Variants in TEX9 observed in about 807,000 individuals in gnomAD.
TEX9 encodes testis-expressed protein 9.
In TEX9, 74 loss-of-function variants were observed where a neutral mutation model predicts 59.6. The observed-to-expected ratio is 1.24, with a 90% CI of 1.03 to 1.51. The LOEUF is 1.51. Ranked by LOEUF, TEX9 falls within the 40% of genes most tolerant of loss-of-function variation. TEX9 has a pLI of 0.00. For synonymous variants in TEX9, 186 were observed against 152.2 expected, an observed-to-expected ratio of 1.22 and a Z score of -1.64; for missense variants, 522 against 447.8, an observed-to-expected ratio of 1.17 and a Z score of -1.49.
At chr15:56,350,816 A>G (rs1165831721) in intron 1 of TEX9, among the ~76,000 whole-genome samples, 1 of 152,234 alleles carries the variant, frequency 6.6e-6, no homozygotes, top group African/African-American at 2.4e-5. Context: ...ACCTATTTAA[A>G]TAATTTACTT....
chr15:56,427,138 G>A (rs1490025798), intron 10 of TEX9, among the ~76,000 whole-genome samples: 1 of 152,024 alleles, frequency 6.6e-6, no homozygotes, highest in African/African-American at 2.4e-5. Context: ...TTACCTCTGT[G>A]AACCCACAAA....
upstream of TEX9, among the ~76,000 whole-genome samples, chr15:56,365,027 C>A (rs1405338728): frequency 6.6e-6 from 1 of 152,076 alleles, no homozygotes; most frequent in African/African-American, 2.4e-5. Context: ...ATGCTGTAAA[C>A]AAAAATTAGA....
intron 9 of TEX9, chr15:56,410,188 T>G (rs1209091717): frequency 6.6e-6 from 1 of 152,220 alleles, no homozygotes; most frequent in Non-Finnish European, 1.5e-5. Flanking sequence ...CCTAGTCCAT[T>G]CTTTTCTACC....
At chr15:56,459,059 T>C in the TEX9 span, among the ~76,000 whole-genome samples, 2 of 152,224 alleles carry the variant, frequency 1.3e-5, no homozygotes, top group African/African-American at 4.8e-5. Flanking sequence ...CACTCCAGAA[T>C]GTTTACATCA....
chr15:56,459,993 A>AG, the TEX9 span, among the ~76,000 whole-genome samples: 1 of 33,496 alleles, frequency 3.0e-5, no homozygotes, highest in Admixed American at 4.0e-4. Flanking sequence ...TCTGTCTCAA[A>AG]AAAAAAAAAA....
chr15:56,427,720 A>ATGTT lies in TEX9; in HGVS notation c.1081_1084dup (p.Leu362CysfsTer10). The ATGTT allele has an allele frequency of 8.1e-6, 12 of 1,490,448 alleles. No homozygotes were observed. Among genetic ancestry groups the ATGTT allele is most frequent in the Admixed American group, 2.5e-5 (1 of 40,598 alleles). The allele number at this position is 1,490,448 out of a possible 1,614,324, so 92.3% of individuals were successfully genotyped here. A position where few individuals can be genotyped will look rare whatever the true frequency, so the allele number is the denominator to read the frequency against. On this transcript the variant is annotated frameshift_variant, in exon 11 of 13. Coordinates refer to ENST00000352903, the Ensembl canonical transcript of TEX9. LOFTEE classifies it high-confidence loss of function. ...TTCAAGAAACAGTTAAAATTAATTG[A>ATGTT]TGTTTTAAAAAGGCAAAAGGTGAGT...
rs376888794 is a variant in TEX9 at position 56,394,837 on chromosome 15, A to G, written c.828+3A>G. 3.0e-4 allele frequency: 484 copies of G among 1,602,760 alleles called. 6 individuals are homozygous for G. The highest frequency in any genetic ancestry group is 2.3e-3 in the Admixed American group (129 of 56,546). On this transcript the variant is annotated splice_donor_region_variant and intron_variant, in intron 9 of 12. Transcript: ENST00000352903. ...AACAGTTGTCTTCAGTAGAAAGGGT[A>G]ATTATTTGGTATTTTTCCTAACTTA...
At chr15:56,429,078 T>C (rs1233413041) in intron 12 of TEX9, 3 of 1,493,678 alleles carry the variant, frequency 2.0e-6, no homozygotes, top group Admixed American at 3.9e-5. Context: ...AAAAAATCTA[T>C]GCTTTACCCA....
intron 1 of TEX9, among the ~76,000 whole-genome samples, chr15:56,252,993 A>G (rs1294559171): frequency 6.6e-6 from 1 of 152,138 alleles, no homozygotes; most frequent in Non-Finnish European, 1.5e-5. Flanking sequence ...TCTGGAAGGT[A>G]GAGAGGAGAA....
intron 6 of TEX9, among the ~76,000 whole-genome samples, chr15:56,390,929 A>C (rs760711699): frequency 3.9e-5 from 6 of 152,056 alleles, no homozygotes; most frequent in Non-Finnish European, 7.4e-5. Flanking sequence ...AGCAAAGTCT[A>C]TACCATCTGG....
intron 3 of TEX9, among the ~76,000 whole-genome samples, chr15:56,382,339 G>A (rs536873576): frequency 4.1e-4 from 63 of 152,278 alleles, no homozygotes; most frequent in African/African-American, 1.5e-3. Context: ...AAGAGTCCAC[G>A]TGGTGCTCTG....
intron 1 of TEX9, among the ~76,000 whole-genome samples, chr15:56,321,173 A>G (rs2045893194): frequency 1.3e-5 from 2 of 151,840 alleles, no homozygotes; most frequent in Admixed American, 1.3e-4. Flanking sequence ...TGGGTGTGAT[A>G]TAATCAAAGA....
At chr15:56,396,718 C>T (rs141234185) in intron 9 of TEX9, 2 of 151,956 alleles carry the variant, frequency 1.3e-5, no homozygotes, top group African/African-American at 4.8e-5. Context: ...CTGTGCTGTT[C>T]TTGTGATGGC....
At chr15:56,382,830 G>T (rs191283806) in intron 3 of TEX9, among the ~76,000 whole-genome samples, 17 of 152,298 alleles carry the variant, frequency 1.1e-4, no homozygotes, top group African/African-American at 3.9e-4. Context: ...TGCACTGCCT[G>T]GTGTTGGGGA....
chr15:56,432,982 G>A (rs1266917246), intron 12 of TEX9, among the ~76,000 whole-genome samples: 1 of 152,110 alleles, frequency 6.6e-6, no homozygotes. Context: ...GACAATATAA[G>A]TATTTAGTTT....
At chr15:56,434,650 A>G (rs1168648455) in intron 12 of TEX9, among the ~76,000 whole-genome samples, 4 of 152,178 alleles carry the variant, frequency 2.6e-5, no homozygotes, top group Admixed American at 6.5e-5. Context: ...TCTACTCAGA[A>G]TTAACACGTA....
At chr15:56,290,777 T>G (rs1218689554) in intron 1 of TEX9, among the ~76,000 whole-genome samples, 1 of 151,616 alleles carries the variant, frequency 6.6e-6, no homozygotes, top group Non-Finnish European at 1.5e-5. Context: ...TTCTATGTGG[T>G]TATTCTCCTT....
At chr15:56,352,453 A>G (rs2046602629) in intron 1 of TEX9, among the ~76,000 whole-genome samples, 1 of 151,288 alleles carries the variant, frequency 6.6e-6, no homozygotes, top group South Asian at 2.1e-4. Flanking sequence ...GTGTTTCACC[A>G]TGTTGGCCAG....
At chr15:56,251,150 T>C (rs2044005648) in intron 1 of TEX9, among the ~76,000 whole-genome samples, 1 of 152,238 alleles carries the variant, frequency 6.6e-6, no homozygotes, top group South Asian at 2.1e-4. Context: ...TTCCCAAGGA[T>C]GAATTTCTAT....
Sources: allele counts gnomAD v4.1 joint callset (sites outside exome capture counted in the v4.1 genomes callset), GRCh38; gene constraint gnomAD v4.1.1; transcripts MANE v1.5; gene names NCBI Gene and HGNC (gene_info 2026-07-23, HGNC 2026-07-21).